ASTN2: variants seen among roughly 807,000 people sequenced by gnomAD.
ASTN2 encodes astrotactin-2.
In ASTN2, 54 loss-of-function variants were observed where a neutral mutation model predicts 139.8. The ratio of observed to expected loss-of-function variants is 0.39; its 90% CI spans 0.31 to 0.48. The LOEUF is 0.48. ASTN2 is among the 20% of genes least tolerant of loss of function. The pLI, the probability that ASTN2 is intolerant of heterozygous loss-of-function variation, is 0.95. For synonymous variants in ASTN2, 756 were observed against 719.5 expected (o/e 1.05, Z -0.81); for missense variants, 1,565 against 1,725.1 (o/e 0.91, Z 1.64).
At chr9:117,290,170 T>C (rs1834552715) in intron 2 of ASTN2, among the ~76,000 whole-genome samples, 1 of 152,276 alleles carries the variant, frequency 6.6e-6, no homozygotes, top group South Asian at 2.1e-4. Flanking sequence ...ATATGTATGT[T>C]GGAGATACCA....
intron 1 of ASTN2, among the ~76,000 whole-genome samples, chr9:117,341,563 G>A (rs1035688441): frequency 2.0e-5 from 3 of 152,194 alleles, no homozygotes; most frequent in Non-Finnish European, 4.4e-5. Context: ...CCAAACAGCA[G>A]TGACATTTCC....
At chr9:116,540,240 T>G (rs1346677985) in intron 19 of ASTN2, among the ~76,000 whole-genome samples, 2 of 152,148 alleles carry the variant, frequency 1.3e-5, no homozygotes, top group East Asian at 3.9e-4. Context: ...TCATGTCTGG[T>G]GGGAAATTTA....
intron 3 of ASTN2, among the ~76,000 whole-genome samples, chr9:117,173,873 A>T (rs1331626734): frequency 6.6e-6 from 1 of 151,938 alleles, no homozygotes; most frequent in Non-Finnish European, 1.5e-5. Flanking sequence ...AAGAGAAATA[A>T]TATAGAATAT....
chr9:116,610,567 C>T (rs1331887751), intron 19 of ASTN2, among the ~76,000 whole-genome samples: 2 of 151,912 alleles, frequency 1.3e-5, no homozygotes, highest in Non-Finnish European at 2.9e-5. Context: ...TGTGCCATTG[C>T]GCTCCAGCCT....
intron 13 of ASTN2, among the ~76,000 whole-genome samples, chr9:116,762,490 C>G (rs1318087428): frequency 1.3e-5 from 2 of 152,152 alleles, no homozygotes; most frequent in Non-Finnish European, 2.9e-5. Flanking sequence ...GTCATGATCC[C>G]CACTTTTGTA....
intron 20 of ASTN2, among the ~76,000 whole-genome samples, chr9:116,475,642 G>T (rs1848954936): frequency 1.3e-5 from 2 of 152,156 alleles, no homozygotes; most frequent in Non-Finnish European, 2.9e-5. Context: ...AACATTCAAG[G>T]TCACTCAAGC....
chr9:116,436,887 T>G (rs538777126), intron 22 of ASTN2, among the ~76,000 whole-genome samples: 3 of 151,918 alleles, frequency 2.0e-5, no homozygotes, highest in South Asian at 2.1e-4. Context: ...CCATAAAAAA[T>G]GATGAGTTCA....
chr9:116,889,602 G>A (rs929850934), intron 10 of ASTN2, among the ~76,000 whole-genome samples: 10 of 151,784 alleles, frequency 6.6e-5, no homozygotes, highest in East Asian at 3.9e-4. Context: ...AATGTTTAGC[G>A]CCTGGTGCAG....
At chr9:116,717,299 CT>C (rs5900224) in intron 16 of ASTN2, among the ~76,000 whole-genome samples, 127,879 of 152,008 alleles carry the variant, frequency 0.84, 53,894 homozygotes, top group African/African-American at 0.89. Flanking sequence ...GGAACAAATG[CT>C]TTTTTTTGGT....
chr9:116,634,507 G>A (rs922490784), intron 17 of ASTN2, among the ~76,000 whole-genome samples: 7 of 149,872 alleles, frequency 4.7e-5, no homozygotes, highest in African/African-American at 1.7e-4. Context: ...GGAGAATGGC[G>A]TGAACCCGGG....
At chr9:116,515,385 C>T (rs912560596) in intron 19 of ASTN2, among the ~76,000 whole-genome samples, 3 of 152,052 alleles carry the variant, frequency 2.0e-5, no homozygotes, top group African/African-American at 7.2e-5. Context: ...AGAATGGTTT[C>T]CTCTCTCTCT....
chr9:116,852,878 TACACACACACACAC>T (rs3040211), intron 11 of ASTN2, among the ~76,000 whole-genome samples: 65 of 134,338 alleles, frequency 4.8e-4, no homozygotes, highest in African/African-American at 1.8e-3. Flanking sequence ...AAGGGGAAAA[TACACACACACACAC>T]ACACACACAC....
chr9:116,661,351 G>T (rs1050123552), intron 16 of ASTN2, among the ~76,000 whole-genome samples: 1 of 152,170 alleles, frequency 6.6e-6, no homozygotes, highest in African/African-American at 2.4e-5. Context: ...TCCACTGAGG[G>T]AAGCCAGGGA....
intron 13 of ASTN2, among the ~76,000 whole-genome samples, chr9:116,733,955 C>T (rs1353931841): frequency 1.3e-5 from 2 of 152,012 alleles, no homozygotes; most frequent in Non-Finnish European, 1.5e-5. Flanking sequence ...GATGTGAGAA[C>T]TGAGAATAGT....
rs766629321 is a variant in ASTN2 at position 117,291,481 on chromosome 9, C to G, written c.475G>C (p.Val159Leu). The change falls in exon 2 of 23, where the codon GTG becomes CTG. Residue 159 changes from valine (V) to leucine (L), a missense_variant. Physicochemically the swap from Val to Leu is conservative, Grantham distance 32. Coordinates refer to ENST00000313400, the MANE Select transcript of ASTN2 (RefSeq NM_001365068.1). Reference sequence around the variant, plus strand: ...TCCAGCCACTGCTGTCTCCAGTGCACCAGCGAGATGTCCGCTGCTGTGCCA... The same window carrying G: ...TCCAGCCACTGCTGTCTCCAGTGCAGCAGCGAGATGTCCGCTGCTGTGCCA... ...MSGTAADISLVHWRQQWLENG... is the reference protein window; with the variant it reads ...MSGTAADISLLHWRQQWLENG... 4.3e-6 allele frequency: 7 copies of G among 1,612,528 alleles called. No homozygotes were observed. Among genetic ancestry groups the G allele is most frequent in the Non-Finnish European group, 5.9e-6 (7 of 1,179,282 alleles).
At chr9:116,576,308 T>A (rs1210950128) in intron 19 of ASTN2, among the ~76,000 whole-genome samples, 1 of 152,200 alleles carries the variant, frequency 6.6e-6, no homozygotes, top group Non-Finnish European at 1.5e-5. Flanking sequence ...TGGGGATTAA[T>A]ATCCCTATTA....
intron 6 of ASTN2, among the ~76,000 whole-genome samples, chr9:117,017,963 A>G (rs906354092): frequency 6.6e-5 from 10 of 151,362 alleles, no homozygotes; most frequent in Non-Finnish European, 1.5e-4. Context: ...CTCATTAAAA[A>G]AAAAAAAAAG....
At chr9:117,272,675 A>T (rs1834095042) in intron 2 of ASTN2, among the ~76,000 whole-genome samples, 1 of 152,146 alleles carries the variant, frequency 6.6e-6, no homozygotes, top group South Asian at 2.1e-4. Flanking sequence ...ATCTCTCTCA[A>T]GTCAAAGTTC....
chr9:116,600,194 C>A (rs541835414), intron 19 of ASTN2, among the ~76,000 whole-genome samples: 1 of 151,836 alleles, frequency 6.6e-6, no homozygotes, highest in African/African-American at 2.4e-5. Context: ...AGTGGTGATG[C>A]ATGCTTGTAG....
Sources: gnomAD v4.1 joint callset for allele counts (sites outside exome capture counted in the v4.1 genomes callset) on GRCh38, gnomAD v4.1.1 for gene constraint, MANE v1.5 for transcripts, NCBI Gene and HGNC (gene_info 2026-07-23, HGNC 2026-07-21) for gene names.